UTRN: variants seen among roughly 807,000 people sequenced by gnomAD.
The protein encoded by UTRN is utrophin, also known as dystrophin-related protein 1.
Under a neutral mutation model 463.9 loss-of-function variants are expected in UTRN, and 283 were observed. That is an observed-to-expected ratio of 0.61 (90% CI 0.55 to 0.67). UTRN has a LOEUF of 0.67. Ranked by LOEUF, UTRN falls within the 30% of genes least tolerant of loss-of-function variation. The pLI is 0.00. For synonymous variants in UTRN, 1,442 were observed against 1,431.5 expected, an observed-to-expected ratio of 1.01 and a Z score of -0.17; for missense variants, 3,922 against 4,084.3, an observed-to-expected ratio of 0.96 and a Z score of 1.08.
chr6:144,739,940 A>G (rs1053130667), intron 54 of UTRN, among the ~76,000 whole-genome samples: 10 of 152,236 alleles, frequency 6.6e-5, no homozygotes, highest in African/African-American at 2.2e-4. Context: ...GAAAAATGGT[A>G]GTAAATGCAG....
intron 2 of UTRN, among the ~76,000 whole-genome samples, chr6:144,328,369 C>G (rs537341459): frequency 3.3e-5 from 5 of 152,188 alleles, no homozygotes; most frequent in Non-Finnish European, 7.4e-5. Context: ...AGGAAAATGA[C>G]TTTAAGCTTC....
chr6:144,350,025 T>G (rs1777973384), intron 2 of UTRN, among the ~76,000 whole-genome samples: 1 of 152,240 alleles, frequency 6.6e-6, no homozygotes, highest in Non-Finnish European at 1.5e-5. Flanking sequence ...TCTACCATTG[T>G]GCTAAAGTGA....
intron 2 of UTRN, among the ~76,000 whole-genome samples, chr6:144,329,591 G>T (rs2114602864): frequency 6.6e-6 from 1 of 152,272 alleles, no homozygotes; most frequent in Admixed American, 6.5e-5. Flanking sequence ...GTAAGGTGAT[G>T]TGAAAATGGT....
At chr6:144,551,407 C>G (rs1798909366) in intron 48 of UTRN, among the ~76,000 whole-genome samples, 1 of 152,144 alleles carries the variant, frequency 6.6e-6, no homozygotes, top group Non-Finnish European at 1.5e-5. Flanking sequence ...AAGGAACTCA[C>G]AAGAATGCAA....
In UTRN at chr6:144,833,330, T is replaced by C. The variant is rs190356357; in HGVS notation, c.9666-2450T>C. On this transcript the variant is annotated intron_variant, in intron 69 of 74. Coordinates refer to ENST00000367545, the MANE Select transcript of UTRN (RefSeq NM_007124.3). The stretch of plus-strand genomic sequence containing the variant: ...GTTAGGACTGTAGATATTGCTCCAT[T>C]GTCTTTGGACATTTAATATTATGGA... Among the ~76,000 whole-genome samples the C allele has an allele frequency of 1.6e-3, 245 of 152,326 alleles. 3 individuals are homozygous for C. In the South Asian group the frequency reaches 0.02, roughly 12 times the overall value.
At chr6:144,673,875 A>C (rs1170080465) in intron 51 of UTRN, among the ~76,000 whole-genome samples, 4 of 152,128 alleles carry the variant, frequency 2.6e-5, no homozygotes, top group African/African-American at 9.7e-5. Flanking sequence ...TCATCTGAAA[A>C]AGACTTTATC....
chr6:144,794,854 C>G (rs1777071919), intron 63 of UTRN, among the ~76,000 whole-genome samples: 1 of 150,998 alleles, frequency 6.6e-6, no homozygotes, highest in Non-Finnish European at 1.5e-5. Flanking sequence ...AGTGAATGAT[C>G]TCTCTTGGGC....
At chr6:144,434,537 G>T (rs1305925137) in intron 9 of UTRN, among the ~76,000 whole-genome samples, 1 of 152,150 alleles carries the variant, frequency 6.6e-6, no homozygotes, top group East Asian at 1.9e-4. Context: ...GAAAGTAAAG[G>T]TTTTGAATAT....
At chr6:144,833,185 T>G (rs956647066) in intron 69 of UTRN, among the ~76,000 whole-genome samples, 8 of 152,228 alleles carry the variant, frequency 5.3e-5, no homozygotes. Context: ...ACACCTGAGA[T>G]TACCATCTAC....
intron 3 of UTRN, among the ~76,000 whole-genome samples, chr6:144,407,436 TG>T (rs1367046247): frequency 1.3e-5 from 2 of 152,334 alleles, no homozygotes; most frequent in African/African-American, 4.8e-5. Context: ...TCAGGACTTT[TG>T]CTGCATTATT....
chr6:144,438,714 G>A (rs374438412), intron 11 of UTRN, 31 bp from the exon 12 acceptor site: 326 of 1,611,960 alleles, frequency 2.0e-4, no homozygotes, highest in Admixed American at 7.9e-4. Context: ...GAAAAGGCTT[G>A]TAGGAATAAT....
In UTRN at chr6:144,485,535, C is replaced by T. The variant is rs956461351; in HGVS notation, c.3822+16C>T. 19 of 1,613,842 alleles carry T rather than the reference C, an allele frequency of 1.2e-5. No homozygotes were observed. Among genetic ancestry groups the T allele is most frequent in the Non-Finnish European group, 1.4e-5 (16 of 1,179,908 alleles). On this transcript the variant is annotated intron_variant, in intron 28 of 74. Transcript: ENST00000367545. ...AGCCCTGGAGGTTGGAACCCGTGAT[C>T]TCCACGGCATTTCTCTTTGCTGTGA...
At chr6:144,431,571 G>A (rs1021112165) in intron 9 of UTRN, among the ~76,000 whole-genome samples, 2 of 152,098 alleles carry the variant, frequency 1.3e-5, no homozygotes, top group African/African-American at 2.4e-5. Context: ...TTAAATATCC[G>A]TCAGTTGAAA....
intron 23 of UTRN, among the ~76,000 whole-genome samples, chr6:144,469,855 C>T (rs538923385): frequency 3.0e-4 from 46 of 151,938 alleles, no homozygotes; most frequent in African/African-American, 9.4e-4. Context: ...TGCCGCCTTC[C>T]GCAGTGTTTG....
intron 51 of UTRN, among the ~76,000 whole-genome samples, chr6:144,579,133 G>A (rs1397220910): frequency 2.0e-5 from 3 of 152,000 alleles, no homozygotes; most frequent in African/African-American, 4.8e-5. Flanking sequence ...TATTCATTGC[G>A]CAATACATTT....
At chr6:144,336,955 G>A (rs1424514777) in intron 2 of UTRN, among the ~76,000 whole-genome samples, 4 of 152,054 alleles carry the variant, frequency 2.6e-5, no homozygotes, top group African/African-American at 9.7e-5. Flanking sequence ...ATTGGACCCT[G>A]TTTCTACCAA....
chr6:144,429,160 G>T (rs918856989), intron 8 of UTRN, among the ~76,000 whole-genome samples: 1 of 152,128 alleles, frequency 6.6e-6, no homozygotes, highest in Admixed American at 6.5e-5. Flanking sequence ...TTAAGAAAAT[G>T]TAATTATTAG....
At chr6:144,728,675 C>G (rs1788185090) in intron 53 of UTRN, among the ~76,000 whole-genome samples, 2 of 149,086 alleles carry the variant, frequency 1.3e-5, no homozygotes, top group Non-Finnish European at 3.0e-5. Flanking sequence ...TTTTATGGAT[C>G]TAGGAAGGAC....
At chr6:144,759,264 G>A (rs943689726) in intron 58 of UTRN, among the ~76,000 whole-genome samples, 6 of 152,050 alleles carry the variant, frequency 3.9e-5, no homozygotes, top group Admixed American at 6.6e-5. Flanking sequence ...AATGGAAAGA[G>A]GTCAGACGCT....
Sources: allele counts gnomAD v4.1 joint callset (sites outside exome capture counted in the v4.1 genomes callset), GRCh38; gene constraint gnomAD v4.1.1; transcripts MANE v1.5; gene names NCBI Gene and HGNC (gene_info 2026-07-23, HGNC 2026-07-21).